The following OXCT1 variants were observed in gnomAD, a reference collection of about 807,000 sequenced individuals.
OXCT1 encodes succinyl-CoA:3-ketoacid coenzyme A transferase 1, mitochondrial.
In OXCT1, 27 loss-of-function variants were observed where a neutral mutation model predicts 69.6. That is an observed-to-expected ratio of 0.39 (90% confidence interval 0.29 to 0.54). The LOEUF is 0.54. Among genes scored for constraint, OXCT1 ranks in the 20% least tolerant of loss-of-function variants. The pLI is 0.72. For synonymous variants in OXCT1, 202 were observed against 217.8 expected (o/e 0.93, Z 0.64); for missense variants, 437 against 650.2 (o/e 0.67, Z 3.57).
rs141178001 is a variant in OXCT1 at position 41,768,995 on chromosome 5, T to C, written c.1249-6795A>G. ...CATAGCATATGGCTCCCACATGCCT[T>C]GAGGTTTCTCCTTCATACTATGAAG... On this transcript the variant is annotated intron_variant, in intron 13 of 16. Transcript: ENST00000196371. 1.5e-4 allele frequency among the ~76,000 whole-genome samples: 23 copies of C among 152,308 alleles called. 1 individual carries two copies. The highest frequency in any genetic ancestry group is 5.1e-4 in the African/African-American group (21 of 41,576).
intron 13 of OXCT1, among the ~76,000 whole-genome samples, chr5:41,777,125 T>A (rs1186418379): frequency 6.6e-6 from 1 of 152,098 alleles, no homozygotes. Flanking sequence ...AGCTCTCCTT[T>A]ACAAAAAAGG....
chr5:41,732,376 T>C (rs1742677540), intron 16 of OXCT1, among the ~76,000 whole-genome samples: 1 of 152,240 alleles, frequency 6.6e-6, no homozygotes, highest in South Asian at 2.1e-4. Context: ...ATTATAATTA[T>C]GTTCAGTGTA....
At position 41,870,318 on chromosome 5, in the gene OXCT1, C is replaced by A; in HGVS notation, c.41G>T (p.Cys14Phe). Residue 14 changes from cysteine (C) to phenylalanine (F), a missense_variant, in exon 1 of 17, where the codon TGC becomes TTC. Coordinates refer to ENST00000196371, the MANE Select transcript of OXCT1 (RefSeq NM_000436.4). The surrounding 1 kb of genome is among the most constrained non-coding windows in gnomAD (Gnocchi z 4.2). ...TGCCCCAGATCCGCGGGCAGAGGCGCAGAGCCGAAGCCCGGAGGAGAGGAG... is the reference window on the plus strand; with the variant it reads ...TGCCCCAGATCCGCGGGCAGAGGCGAAGAGCCGAAGCCCGGAGGAGAGGAG... ...LKLLSSGLRL[C>F]ASARGSGATW... 6 of 1,614,032 alleles carry A rather than the reference C, an allele frequency of 3.7e-6. No individual in the cohort carries two copies. Among genetic ancestry groups the A allele is most frequent in the African/African-American group, 1.3e-5 (1 of 75,052 alleles).
chr5:41,744,797 A>C (rs939367713), intron 15 of OXCT1, among the ~76,000 whole-genome samples: 1 of 152,132 alleles, frequency 6.6e-6, no homozygotes, highest in African/African-American at 2.4e-5. Context: ...AACAGACTTT[A>C]AGCCAACAAA....
At chr5:41,768,782 C>T (rs372469958) in intron 13 of OXCT1, among the ~76,000 whole-genome samples, 104 of 152,162 alleles carry the variant, frequency 6.8e-4, no homozygotes, top group African/African-American at 2.4e-3. Flanking sequence ...CTTGCAGCCA[C>T]AAAAACCGCC....
intron 15 of OXCT1, among the ~76,000 whole-genome samples, chr5:41,741,351 G>T (rs934622805): frequency 2.6e-5 from 4 of 152,134 alleles, no homozygotes; most frequent in Non-Finnish European, 5.9e-5. Context: ...AACACGTAGA[G>T]AAAAGAACCC....
chr5:41,808,724 T>C (rs953121113), intron 7 of OXCT1, among the ~76,000 whole-genome samples: 7 of 152,064 alleles, frequency 4.6e-5, no homozygotes, highest in African/African-American at 1.4e-4. Flanking sequence ...TGTCCTCCCC[T>C]TGAAAACTCT....
intron 7 of OXCT1, among the ~76,000 whole-genome samples, chr5:41,825,207 G>T (rs1181134927): frequency 1.3e-5 from 2 of 152,162 alleles, no homozygotes; most frequent in African/African-American, 4.8e-5. Context: ...CTGAATAAGA[G>T]AGAAGGTGAC....
intron 1 of OXCT1, among the ~76,000 whole-genome samples, chr5:41,865,299 G>A (rs575921804): frequency 6.6e-6 from 1 of 152,130 alleles, no homozygotes; most frequent in Admixed American, 6.5e-5. Flanking sequence ...TGTTTCATCT[G>A]ATAGTTTTCA....
intron 1 of OXCT1, among the ~76,000 whole-genome samples, chr5:41,864,743 A>G (rs865779523): frequency 2.0e-5 from 3 of 152,150 alleles, no homozygotes; most frequent in Admixed American, 1.3e-4. Context: ...GGGCCTTTCT[A>G]CTACAATATG....
intron 15 of OXCT1, among the ~76,000 whole-genome samples, chr5:41,744,155 T>C (rs182784637): frequency 2.6e-4 from 39 of 152,332 alleles, no homozygotes; most frequent in African/African-American, 9.4e-4. Context: ...TTCTATTTCA[T>C]TGAGCAGTGG....
chr5:41,828,331 G>A (rs1747914557), intron 7 of OXCT1, among the ~76,000 whole-genome samples: 1 of 151,466 alleles, frequency 6.6e-6, no homozygotes, highest in Non-Finnish European at 1.5e-5. Context: ...GGCCAGGCTG[G>A]CCAACTGGTC....
At chr5:41,849,950 A>G in intron 5 of OXCT1, 80 bp downstream of exon 5, 1 of 1,385,078 alleles carries the variant, frequency 7.2e-7, no homozygotes, top group Non-Finnish European at 1.0e-6. Context: ...GTGATTTTAT[A>G]CTTATTTGCC....
At chr5:41,827,167 T>A (rs1747847487) in intron 7 of OXCT1, among the ~76,000 whole-genome samples, 1 of 152,230 alleles carries the variant, frequency 6.6e-6, no homozygotes, top group Admixed American at 6.6e-5. Context: ...GCTAAAATTA[T>A]GACCTTTCCA....
chr5:41,843,727 G>T, intron 5 of OXCT1: 1 of 293,622 alleles, frequency 3.4e-6, no homozygotes, highest in South Asian at 2.8e-5. Flanking sequence ...GACTAAGTGC[G>T]TTTTACAAAA....
intron 7 of OXCT1, among the ~76,000 whole-genome samples, chr5:41,814,418 G>A (rs1032601904): frequency 1.4e-4 from 21 of 151,928 alleles, no homozygotes; most frequent in African/African-American, 4.6e-4. Context: ...CTATAGACAC[G>A]TGCACATGTA....
In OXCT1 at chr5:41,854,110, A is replaced by G. The variant is rs562350195; in HGVS notation, c.279-556T>C. Among the ~76,000 whole-genome samples, 4 of 152,310 alleles carry G rather than the reference A, an allele frequency of 2.6e-5. No individual in the cohort carries two copies. The South Asian group carries it at 8.3e-4, about 32-fold the overall frequency. On this transcript the variant is annotated intron_variant, in intron 3 of 16. Coordinates refer to ENST00000196371, the MANE Select transcript of OXCT1 (RefSeq NM_000436.4). ...ATGTGGACCCAAATTATAAATAGCT[A>G]TGAACATTTTCCCTATATCATAAAT...
At chr5:41,823,967 A>G (rs1747684851) in intron 7 of OXCT1, among the ~76,000 whole-genome samples, 2 of 152,218 alleles carry the variant, frequency 1.3e-5, no homozygotes, top group Admixed American at 1.3e-4. Flanking sequence ...CTGGGGCTAC[A>G]CTAAGTTAAC....
Position 41,870,341 on chromosome 5 carries a change from G to A in OXCT1, c.18C>T (p.Leu6=). The stretch of plus-strand genomic sequence containing the variant: ...CGCAGAGCCGAAGCCCGGAGGAGAG[G>A]AGTTTGAGAGCCGCCATCTTCGGGC... MAALK[L]LSSGLRLCAS... Residue 6 remains leucine (L), a synonymous_variant, in exon 1 of 17, where the codon CTC becomes CTT. Transcript: ENST00000196371. The surrounding 1 kb of genome is among the most constrained non-coding windows in gnomAD (Gnocchi z 4.2). 1 of 1,613,706 alleles carries A rather than the reference G, an allele frequency of 6.2e-7. No individual in the cohort carries two copies. The highest frequency in any genetic ancestry group is 1.1e-5 in the South Asian group (1 of 91,050).
Sources: gnomAD v4.1 joint callset for allele counts (sites outside exome capture counted in the v4.1 genomes callset) on GRCh38, gnomAD v4.1.1 for gene constraint, Gnocchi (gnomAD v3.1) non-coding constraint, MANE v1.5 for transcripts, NCBI Gene and HGNC (gene_info 2026-07-23, HGNC 2026-07-21) for gene names.